Variants in SDC2 observed in about 807,000 individuals in gnomAD.
SDC2 encodes syndecan-2.
A neutral mutation model predicts 22.2 loss-of-function variants in SDC2; 13 were observed. The ratio of observed to expected loss-of-function variants is 0.59; its 90% CI spans 0.38 to 0.93. The LOEUF is 0.93. SDC2 is among the 40% of genes least tolerant of loss of function. SDC2 has a pLI of 0.00. For missense variants in SDC2, 235 were observed against 246.8 expected (o/e 0.95, Z 0.32); for synonymous variants, 94 against 92.8 (o/e 1.01, Z -0.07).
Position 96,609,456 on chromosome 8 carries a change from A to C in SDC2, c.514A>C (p.Arg172=). Residue 172 remains arginine, a synonymous_variant, in exon 5 of 5, where the codon AGA becomes CGA. Transcript: ENST00000302190. ...TATCCTGCTGTTGGTGTATCGCATG[A>C]GAAAGAAGGATGAAGGAAGCTATGA... ...FLILLLVYRM[R]KKDEGSYDLG... 1 of 1,613,682 alleles carries C rather than the reference A, an allele frequency of 6.2e-7. No homozygotes were observed. The highest frequency in any genetic ancestry group is 8.5e-7 in the Non-Finnish European group (1 of 1,179,800).
chr8:96,535,937 A>G (rs1345514673), intron 1 of SDC2, among the ~76,000 whole-genome samples: 2 of 152,174 alleles, frequency 1.3e-5, no homozygotes, highest in Admixed American at 1.3e-4. Flanking sequence ...TATGAAACGT[A>G]AAAATGGCTT....
chr8:96,566,753 A>G (rs765193840), intron 1 of SDC2, among the ~76,000 whole-genome samples: 1 of 151,796 alleles, frequency 6.6e-6, no homozygotes, highest in Non-Finnish European at 1.5e-5. Context: ...TAATTTGAGA[A>G]GCATGTGCCC....
At chr8:96,513,405 T>G (rs905919447) in intron 1 of SDC2, among the ~76,000 whole-genome samples, 5 of 152,082 alleles carry the variant, frequency 3.3e-5, no homozygotes, top group Admixed American at 6.6e-5. Flanking sequence ...TTAACTACCC[T>G]TCTGAGCCTT....
chr8:96,535,762 A>C (rs1813744697), intron 1 of SDC2, among the ~76,000 whole-genome samples: 1 of 152,206 alleles, frequency 6.6e-6, no homozygotes, highest in African/African-American at 2.4e-5. Context: ...AACTTAGAAA[A>C]ATATTGTCTT....
In SDC2 at chr8:96,533,860, T is replaced by C. The variant is rs533273150; in HGVS notation, c.60+39529T>C. Among the ~76,000 whole-genome samples the C allele has an allele frequency of 2.0e-3, 307 of 152,266 alleles. 2 individuals are homozygous for C. The highest frequency in any genetic ancestry group is 7.0e-3 in the African/African-American group (291 of 41,576). ...CGGTGTGCCCGCACTCCTCAGCCCT[T>C]GGGCAGTAGATGGGACCAGGTGCCA... On this transcript the variant is annotated intron_variant, in intron 1 of 4. Transcript: ENST00000302190.
intron 1 of SDC2, among the ~76,000 whole-genome samples, chr8:96,549,406 T>C (rs923628883): frequency 1.3e-5 from 2 of 152,188 alleles, no homozygotes; most frequent in Non-Finnish European, 2.9e-5. Flanking sequence ...ACAAAAGCCT[T>C]ATCATGTAGA....
intron 2 of SDC2, among the ~76,000 whole-genome samples, chr8:96,597,689 A>G (rs1347355614): frequency 6.6e-6 from 1 of 152,232 alleles, no homozygotes; most frequent in African/African-American, 2.4e-5. Flanking sequence ...CTGAGACATA[A>G]GAGTTCTTAA....
At position 96,589,902 on chromosome 8, in the gene SDC2, G is replaced by A. The variant is rs569941864; in HGVS notation, c.61-3578G>A. On this transcript the variant is annotated intron_variant, in intron 1 of 4. Coordinates refer to ENST00000302190, the MANE Select transcript of SDC2 (RefSeq NM_002998.4). ...CCAACATGATGAGTTAGCCAGAGCC[G>A]GGGGGCCAGAGGCAAAGGGGTGGAG... Among the ~76,000 whole-genome samples the A allele has an allele frequency of 5.3e-5, 8 of 152,288 alleles. 1 individual carries two copies. In the East Asian group the frequency reaches 1.2e-3, roughly 22 times the overall value.
chr8:96,606,926 A>T (rs1371269815), intron 3 of SDC2, among the ~76,000 whole-genome samples: 1 of 152,240 alleles, frequency 6.6e-6, no homozygotes, highest in Non-Finnish European at 1.5e-5. Flanking sequence ...GCCACGGACC[A>T]GTAGCGGTGG....
intron 1 of SDC2, among the ~76,000 whole-genome samples, chr8:96,517,877 A>C (rs1813431498): frequency 2.0e-5 from 3 of 152,028 alleles, no homozygotes; most frequent in African/African-American, 7.2e-5. Context: ...GAAATGGACA[A>C]GTCAATAGGT....
chr8:96,495,790 C>A (rs1280088112), intron 1 of SDC2, among the ~76,000 whole-genome samples: 2 of 152,048 alleles, frequency 1.3e-5, no homozygotes, highest in Non-Finnish European at 2.9e-5. Context: ...GATCCCCATA[C>A]GTTCTTTGTG....
At chr8:96,553,252 C>T (rs1372269213) in intron 1 of SDC2, among the ~76,000 whole-genome samples, 1 of 152,078 alleles carries the variant, frequency 6.6e-6, no homozygotes, top group Non-Finnish European at 1.5e-5. Flanking sequence ...AGATTAATTA[C>T]AAGTATTCAA....
chr8:96,530,139 C>T (rs1039550319), intron 1 of SDC2, among the ~76,000 whole-genome samples: 1 of 152,148 alleles, frequency 6.6e-6, no homozygotes, highest in African/African-American at 2.4e-5. Context: ...AAAGGGGTTA[C>T]TTTTCATTGA....
intron 1 of SDC2, among the ~76,000 whole-genome samples, chr8:96,511,025 T>C (rs998354154): frequency 4.6e-5 from 7 of 152,138 alleles, no homozygotes; most frequent in Admixed American, 1.3e-4. Flanking sequence ...ATCAGCAGCA[T>C]CTACAGCTCC....
intron 1 of SDC2, among the ~76,000 whole-genome samples, chr8:96,549,719 T>G (rs1304384403): frequency 6.6e-6 from 1 of 152,226 alleles, no homozygotes; most frequent in African/African-American, 2.4e-5. Context: ...AATGCATATA[T>G]GTTTGCATAT....
rs375453797 is a variant in SDC2 at position 96,586,934 on chromosome 8, T to C, written c.61-6546T>C. 4.3e-4 allele frequency among the ~76,000 whole-genome samples: 65 copies of C among 152,330 alleles called. No individual in the cohort carries two copies. The South Asian group carries it at 0.013, about 31-fold the overall frequency. On this transcript the variant is annotated intron_variant, in intron 1 of 4. Coordinates refer to ENST00000302190, the MANE Select transcript of SDC2 (RefSeq NM_002998.4). ...TGAAGACCCTTCTTTTTTTCTTTTT[T>C]GTTTTTGAGATGGAGTCTGGCTCTG...
chr8:96,554,719 G>T (rs1020885649), intron 1 of SDC2, among the ~76,000 whole-genome samples: 1 of 152,196 alleles, frequency 6.6e-6, no homozygotes, highest in African/African-American at 2.4e-5. Context: ...GATCCAGTCT[G>T]CTTTCTCCTA....
chr8:96,582,473 T>A (rs1420430848), intron 1 of SDC2, among the ~76,000 whole-genome samples: 1 of 152,268 alleles, frequency 6.6e-6, no homozygotes, highest in Non-Finnish European at 1.5e-5. Context: ...TTTTTAGCTT[T>A]CTTGCTTTTG....
At chr8:96,593,180 A>C (rs1464031682) in intron 1 of SDC2, among the ~76,000 whole-genome samples, 1 of 152,248 alleles carries the variant, frequency 6.6e-6, no homozygotes, top group Non-Finnish European at 1.5e-5. Context: ...GCTGAAAGTC[A>C]GGTAAGTTTA....
Sources: gnomAD v4.1 joint callset for allele counts (sites outside exome capture counted in the v4.1 genomes callset) on GRCh38, gnomAD v4.1.1 for gene constraint, MANE v1.5 for transcripts, NCBI Gene and HGNC (gene_info 2026-07-23, HGNC 2026-07-21) for gene names.